The following CCSER1 variants were observed in gnomAD, a reference collection of about 807,000 sequenced individuals.
CCSER1 encodes the protein coiled-coil serine rich protein 1.
A neutral mutation model predicts 82.0 loss-of-function variants in CCSER1; 41 were observed. That is an observed-to-expected ratio of 0.50 (90% confidence interval 0.39 to 0.65). The LOEUF is 0.65. Among genes scored for constraint, CCSER1 ranks in the 30% least tolerant of loss-of-function variants. The probability of loss-of-function intolerance (pLI) is 0.00; values close to 1 mark genes in which losing one functional copy is unlikely to be tolerated. For missense variants in CCSER1, 1,119 were observed against 1,064.2 expected, an observed-to-expected ratio of 1.05 and a Z score of -0.72; for synonymous variants, 414 against 383.9, an observed-to-expected ratio of 1.08 and a Z score of -0.92.
rs570413423 is a variant in CCSER1, at chr4:91,165,645, C to T, written c.2217+79651C>T. ...CTCAAGCCTCAGCAATGGCAGACGC[C>T]CCTCCCCCTGCCAGGCTGCTGCCTC... On this transcript the variant is annotated intron_variant, in intron 10 of 10. Transcript: ENST00000509176. Among the ~76,000 whole-genome samples the T allele has an allele frequency of 2.0e-5, 3 of 152,336 alleles. No individual in the cohort carries two copies. The South Asian group carries it at 6.2e-4, about 32-fold the overall frequency.
At chr4:90,640,188 C>G (rs41467344) in intron 6 of CCSER1, among the ~76,000 whole-genome samples, 33,744 of 151,944 alleles carry the variant, frequency 0.22, 4,005 homozygotes, top group East Asian at 0.32. Flanking sequence ...TATAAAACAA[C>G]CTATTCTAAG....
rs72885058 is a variant in CCSER1 at position 90,527,521 on chromosome 4, A to G, written c.1724+59167A>G. Among the ~76,000 whole-genome samples, 1,138 of 152,272 alleles carry G rather than the reference A, an allele frequency of 7.5e-3. 18 individuals carry two copies. Among genetic ancestry groups the G allele is most frequent in the African/African-American group, 0.026 (1,075 of 41,554 alleles). ...AATAATTCTTATTACATGTTAGATG[A>G]TGTTATTAATTACAATATTTGCCAA... On this transcript the variant is annotated intron_variant, in intron 5 of 10. Coordinates refer to ENST00000509176, the MANE Select transcript of CCSER1 (RefSeq NM_001145065.2).
chr4:91,457,741 T>A (rs191461816), intron 10 of CCSER1, among the ~76,000 whole-genome samples: 2 of 152,284 alleles, frequency 1.3e-5, no homozygotes, highest in Non-Finnish European at 2.9e-5. Context: ...ATGTTAATTT[T>A]AAAATAATCA....
chr4:90,444,464 G>T (rs1760351608), intron 4 of CCSER1, among the ~76,000 whole-genome samples: 2 of 151,950 alleles, frequency 1.3e-5, no homozygotes, highest in Non-Finnish European at 1.5e-5. Context: ...TTTATAGTTG[G>T]TTTTTGCCAA....
At chr4:90,785,526 A>C (rs1431367769) in intron 7 of CCSER1, among the ~76,000 whole-genome samples, 2 of 152,226 alleles carry the variant, frequency 1.3e-5, no homozygotes, top group Non-Finnish European at 2.9e-5. Context: ...TTTCAAGATA[A>C]TATAATACCA....
chr4:90,302,857 AAG>A (rs151241446), intron 1 of CCSER1, among the ~76,000 whole-genome samples: 4,787 of 152,142 alleles, frequency 0.031, 196 homozygotes, highest in African/African-American at 0.096. Flanking sequence ...AGGAAAAGGA[AAG>A]AAAGATAAGA....
intron 10 of CCSER1, among the ~76,000 whole-genome samples, chr4:91,264,647 G>A (rs933452534): frequency 4.6e-5 from 7 of 151,952 alleles, no homozygotes; most frequent in Non-Finnish European, 1.0e-4. Flanking sequence ...CCACTGTTAT[G>A]TGTGGAGAAC....
chr4:90,930,954 TATAC>T (rs1353601572), intron 9 of CCSER1, among the ~76,000 whole-genome samples: 25 of 140,068 alleles, frequency 1.8e-4, no homozygotes, highest in African/African-American at 6.7e-4. Context: ...ATGACATATA[TATAC>T]ATACATGATA....
chr4:90,980,969 G>A (rs1736061506), intron 9 of CCSER1, among the ~76,000 whole-genome samples: 1 of 151,768 alleles, frequency 6.6e-6, no homozygotes, highest in South Asian at 2.1e-4. Flanking sequence ...TTCTATGCTT[G>A]TGGGTGCAAA....
At chr4:91,278,488 C>T (rs768273140) in intron 10 of CCSER1, among the ~76,000 whole-genome samples, 2 of 152,092 alleles carry the variant, frequency 1.3e-5, no homozygotes, top group Non-Finnish European at 2.9e-5. Flanking sequence ...TATAGCTACT[C>T]CTGATCATTT....
intron 10 of CCSER1, among the ~76,000 whole-genome samples, chr4:91,263,206 C>T (rs1179948945): frequency 6.6e-6 from 1 of 152,012 alleles, no homozygotes; most frequent in Non-Finnish European, 1.5e-5. Flanking sequence ...AGATTTGCCT[C>T]AATAAACTCG....
intron 10 of CCSER1, among the ~76,000 whole-genome samples, chr4:91,513,314 A>C (rs1759925393): frequency 6.6e-6 from 1 of 152,152 alleles, no homozygotes; most frequent in Admixed American, 6.6e-5. Context: ...GAATGAAGCC[A>C]TGTTATCATG....
intron 10 of CCSER1, among the ~76,000 whole-genome samples, chr4:91,145,420 G>A (rs1242323668): frequency 6.6e-6 from 1 of 152,056 alleles, no homozygotes; most frequent in African/African-American, 2.4e-5. Flanking sequence ...TTGTCACTCT[G>A]CCTTTTAAGT....
intron 10 of CCSER1, among the ~76,000 whole-genome samples, chr4:91,165,090 T>G (rs1731889692): frequency 1.3e-5 from 2 of 152,208 alleles, no homozygotes; most frequent in Admixed American, 1.3e-4. Context: ...TGGTCTTTGA[T>G]GCTGGTGTCC....
intron 1 of CCSER1, among the ~76,000 whole-genome samples, chr4:90,268,845 A>G (rs562531749): frequency 6.6e-6 from 1 of 152,210 alleles, no homozygotes; most frequent in East Asian, 1.9e-4. Context: ...AAAATAAAGG[A>G]ATGTAAAAAG....
chr4:90,422,220 T>C (rs1756799490), intron 4 of CCSER1, among the ~76,000 whole-genome samples: 1 of 152,086 alleles, frequency 6.6e-6, no homozygotes, highest in African/African-American at 2.4e-5. Flanking sequence ...ACAACACAAA[T>C]AGAAGGATTA....
At chr4:90,306,757 G>T (rs1377675309) in intron 1 of CCSER1, among the ~76,000 whole-genome samples, 1 of 152,128 alleles carries the variant, frequency 6.6e-6, no homozygotes, top group Non-Finnish European at 1.5e-5. Flanking sequence ...AGTTTTGGTT[G>T]TAAAGACTAA....
intron 3 of CCSER1, among the ~76,000 whole-genome samples, chr4:90,342,180 A>G (rs1220595532): frequency 6.6e-6 from 1 of 152,192 alleles, no homozygotes; most frequent in Non-Finnish European, 1.5e-5. Flanking sequence ...AAGAGAGAAC[A>G]TGCTTATTTT....
intron 5 of CCSER1, among the ~76,000 whole-genome samples, chr4:90,609,860 A>G (rs1381524156): frequency 6.6e-6 from 1 of 152,202 alleles, no homozygotes; most frequent in Non-Finnish European, 1.5e-5. Context: ...CATGTTTTAA[A>G]TTATTTTACT....
Sources: gnomAD v4.1 joint callset for allele counts (sites outside exome capture counted in the v4.1 genomes callset) on GRCh38, gnomAD v4.1.1 for gene constraint, MANE v1.5 for transcripts, NCBI Gene and HGNC (gene_info 2026-07-23, HGNC 2026-07-21) for gene names.